CA8: variants seen among roughly 807,000 people sequenced by gnomAD.
CA8 encodes the protein carbonic anhydrase-related protein.
CA8 carries 22 observed loss-of-function variants against 41.4 expected under a neutral mutation model. That is an observed-to-expected ratio of 0.53 (90% CI 0.38 to 0.76). The LOEUF (loss-of-function observed/expected upper bound fraction) is 0.76. Ranked by LOEUF, CA8 falls within the 30% of genes least tolerant of loss-of-function variation. The pLI is 0.00. For synonymous variants in CA8, 121 were observed against 130.6 expected, an observed-to-expected ratio of 0.93 and a Z score of 0.50; for missense variants, 270 against 352.8, an observed-to-expected ratio of 0.77 and a Z score of 1.88.
intron 2 of CA8, among the ~76,000 whole-genome samples, chr8:60,267,718 ATC>A (rs34315240): frequency 6.6e-6 from 1 of 152,334 alleles, no homozygotes; most frequent in East Asian, 1.9e-4. Flanking sequence ...AAATTTCAGT[ATC>A]TGTGAGCATG....
chr8:60,201,225 A>G (rs1379523628), intron 8 of CA8, among the ~76,000 whole-genome samples: 1 of 152,222 alleles, frequency 6.6e-6, no homozygotes, highest in Admixed American at 6.5e-5. Context: ...TGACACATCT[A>G]AAAGAAAAGT....
Position 60,244,071 on chromosome 8 carries a change from G to C in CA8, c.418-11692C>G, listed in dbSNP as rs1395806773. Among the ~76,000 whole-genome samples, 3 of 152,162 alleles carry C rather than the reference G, an allele frequency of 2.0e-5. No homozygotes were observed. The East Asian group carries it at 5.8e-4, about 29-fold the overall frequency. Reference sequence around the variant, plus strand: ...AGCTGAGTTCCCTCCACCGCCCCTCGGACTGTGTCTTTGTCTTCAGTTCCC... The same window carrying C: ...AGCTGAGTTCCCTCCACCGCCCCTCCGACTGTGTCTTTGTCTTCAGTTCCC... On this transcript the variant is annotated intron_variant, in intron 3 of 8. Coordinates refer to ENST00000317995, the MANE Select transcript of CA8 (RefSeq NM_004056.6).
At chr8:60,267,100 G>C (rs1305271612) in intron 2 of CA8, among the ~76,000 whole-genome samples, 1 of 152,240 alleles carries the variant, frequency 6.6e-6, no homozygotes. Context: ...ACTCAAAGGA[G>C]AAGAAAGCAA....
chr8:60,237,344 A>G (rs920594108), intron 3 of CA8, among the ~76,000 whole-genome samples: 6 of 152,210 alleles, frequency 3.9e-5, no homozygotes, highest in African/African-American at 1.4e-4. Context: ...TTAGCATTAT[A>G]TATAGCCAGC....
chr8:60,241,706 C>T (rs1808034709), intron 3 of CA8, among the ~76,000 whole-genome samples: 1 of 151,816 alleles, frequency 6.6e-6, no homozygotes, highest in African/African-American at 2.4e-5. Flanking sequence ...TTCTTCAACA[C>T]TGGTTTCTTG....
In CA8 at chr8:60,279,768, G is replaced by A; in HGVS notation, c.213C>T (p.Ser71=). 1 of 1,614,108 alleles carries A rather than the reference G, an allele frequency of 6.2e-7. No individual in the cohort carries two copies. Among genetic ancestry groups the A allele is most frequent in the Non-Finnish European group, 8.5e-7 (1 of 1,180,012 alleles). ...YDPSLLDVRL[S]PNYVVCRDCE... ...AGTCTCGGCACACCACATAATTTGG[G>A]GAGAGGCGGACATCCAACAGCGAGG... is the stretch of plus-strand genomic sequence containing the variant. Residue 71 remains serine, a synonymous_variant, in exon 2 of 9, where the codon TCC becomes TCT. Transcript: ENST00000317995.
intron 8 of CA8, among the ~76,000 whole-genome samples, chr8:60,206,584 T>C (rs1717430764): frequency 6.6e-6 from 1 of 151,920 alleles, no homozygotes; most frequent in African/African-American, 2.4e-5. Context: ...CCCCGCTGCC[T>C]CTTGGCCTCT....
chr8:60,220,085 A>G (rs1201064784), intron 7 of CA8, among the ~76,000 whole-genome samples: 10 of 152,112 alleles, frequency 6.6e-5, no homozygotes, highest in Admixed American at 6.5e-4. Flanking sequence ...TTCTACGGAA[A>G]CATCTCCTTT....
intron 7 of CA8, among the ~76,000 whole-genome samples, chr8:60,212,329 A>C (rs1189110693): frequency 6.6e-6 from 1 of 152,240 alleles, no homozygotes; most frequent in Admixed American, 6.5e-5. Context: ...CCCAAGTTCT[A>C]ATAGATTTAT....
chr8:60,238,539 C>T (rs1454183194), intron 3 of CA8, among the ~76,000 whole-genome samples: 2 of 152,090 alleles, frequency 1.3e-5, no homozygotes, highest in African/African-American at 4.8e-5. Context: ...TCATAGAACT[C>T]CCCCTCCTGC....
chr8:60,210,752 C>T (rs566654312), intron 7 of CA8, among the ~76,000 whole-genome samples: 121 of 152,060 alleles, frequency 8.0e-4, no homozygotes, highest in South Asian at 2.1e-3. Context: ...TTTTATTGTA[C>T]CTATATGCTG....
At chr8:60,250,640 C>T (rs965709972) in intron 3 of CA8, among the ~76,000 whole-genome samples, 1 of 152,204 alleles carries the variant, frequency 6.6e-6, no homozygotes, top group African/African-American at 2.4e-5. Flanking sequence ...TAATTGGTTA[C>T]ATTTCACTTC....
intron 3 of CA8, among the ~76,000 whole-genome samples, chr8:60,262,335 CAAAA>C (rs11424117): frequency 1.8e-5 from 2 of 109,324 alleles, no homozygotes; most frequent in Non-Finnish European, 3.9e-5. Flanking sequence ...AGCAAAATGG[CAAAA>C]AAAAAAAAAA....
chr8:60,236,966 G>A (rs188523645), intron 3 of CA8, among the ~76,000 whole-genome samples: 1 of 152,274 alleles, frequency 6.6e-6, no homozygotes, highest in African/African-American at 2.4e-5. Context: ...GGTCCAAGTA[G>A]ACAGCTATTA....
At chr8:60,203,732 CTTGT>C (rs1234481623) in intron 8 of CA8, among the ~76,000 whole-genome samples, 1 of 152,054 alleles carries the variant, frequency 6.6e-6, no homozygotes, top group Admixed American at 6.6e-5. Context: ...GATTTCTGCA[CTTGT>C]TTTTTTAGCA....
chr8:60,258,365 T>C (rs544651148), intron 3 of CA8, among the ~76,000 whole-genome samples: 10 of 152,198 alleles, frequency 6.6e-5, no homozygotes, highest in African/African-American at 9.7e-5. Flanking sequence ...AAACGAACTA[T>C]TAATATATAT....
intron 8 of CA8, among the ~76,000 whole-genome samples, chr8:60,192,846 A>G (rs1218216822): frequency 6.6e-6 from 1 of 151,714 alleles, no homozygotes; most frequent in Non-Finnish European, 1.5e-5. Context: ...GCATGATTGT[A>G]TTGCTACCTT....
chr8:60,220,519 G>A, intron 7 of CA8, among the ~76,000 whole-genome samples: 1 of 152,098 alleles, frequency 6.6e-6, no homozygotes, highest in East Asian at 1.9e-4. Context: ...CTCGTCCACA[G>A]CACTTCTCAG....
At chr8:60,193,239 T>C (rs2130377804) in intron 8 of CA8, among the ~76,000 whole-genome samples, 1 of 152,202 alleles carries the variant, frequency 6.6e-6, no homozygotes, top group East Asian at 1.9e-4. Flanking sequence ...ATTGCCTAGC[T>C]CTCCTCTCAA....
Sources: gnomAD v4.1 joint callset for allele counts (sites outside exome capture counted in the v4.1 genomes callset) on GRCh38, gnomAD v4.1.1 for gene constraint, MANE v1.5 for transcripts, NCBI Gene and HGNC (gene_info 2026-07-23, HGNC 2026-07-21) for gene names.